CC2D2A: variants seen among roughly 807,000 people sequenced by gnomAD.
The protein encoded by CC2D2A is coiled-coil and C2 domain containing 2A.
Under a neutral mutation model 212.9 loss-of-function variants are expected in CC2D2A, and 155 were observed. That is an observed-to-expected ratio of 0.73 (90% CI 0.64 to 0.83). CC2D2A has a LOEUF of 0.83. CC2D2A is among the 40% of genes least tolerant of loss of function. The pLI is 0.00. For missense variants in CC2D2A, 1,856 were observed against 1,956.2 expected, an observed-to-expected ratio of 0.95 and a Z score of 0.97; for synonymous variants, 667 against 686.5, an observed-to-expected ratio of 0.97 and a Z score of 0.44.
chr4:15,596,115 C>CA lies in CC2D2A; in HGVS notation c.4345_4346insA (p.Pro1449HisfsTer7), dbSNP rs1371842040. 5 of 1,548,990 alleles carry CA rather than the reference C, an allele frequency of 3.2e-6. No homozygotes were observed. Among genetic ancestry groups the CA allele is most frequent in the Non-Finnish European group, 4.4e-6 (5 of 1,145,636 alleles). Reference sequence around the variant, plus strand: ...GTTTAATATTCAACGATATGAATCTCCACTAAGGATAAATTTTGATGTCAC... The same window carrying CA: ...GTTTAATATTCAACGATATGAATCTCACACTAAGGATAAATTTTGATGTCAC... On this transcript the variant is annotated frameshift_variant, in exon 34 of 37. Coordinates refer to ENST00000424120, the MANE Select transcript of CC2D2A (RefSeq NM_001378615.1). LOFTEE classifies it high-confidence loss of function.
chr4:15,534,423 C>T (rs765800796), intron 14 of CC2D2A, among the ~76,000 whole-genome samples: 1 of 152,186 alleles, frequency 6.6e-6, no homozygotes, highest in Non-Finnish European at 1.5e-5. Flanking sequence ...CTCCTATAAC[C>T]TTTATAATTT....
chr4:15,597,499 G>A lies in CC2D2A; in HGVS notation c.4496+34G>A, dbSNP rs1721371342. On this transcript the variant is annotated intron_variant, in intron 35 of 36. Transcript: ENST00000424120. The stretch of plus-strand genomic sequence containing the variant: ...ACATCCATAAATCCACATGTAATCT[G>A]TCACTAGGAGTATAATACCAAACTT... The A allele has an allele frequency of 2.0e-6, 3 of 1,495,492 alleles. No individual in the cohort carries two copies. The African/African-American group carries it at 4.2e-5, about 21-fold the overall frequency. The allele number at this position is 1,495,492 out of a possible 1,614,324, so 92.6% of individuals were successfully genotyped here. A position where few individuals can be genotyped will look rare whatever the true frequency, so the allele number is the denominator to read the frequency against.
At chr4:15,470,928 A>T (rs1713772364) in intron 1 of CC2D2A, among the ~76,000 whole-genome samples, 1 of 152,032 alleles carries the variant, frequency 6.6e-6, no homozygotes, top group African/African-American at 2.4e-5. Flanking sequence ...ATTTATAAAA[A>T]CACTGAGAGG....
At chr4:15,516,447 G>A (rs1292200234) in intron 10 of CC2D2A, among the ~76,000 whole-genome samples, 178 bp from the exon 11 acceptor site, 1 of 152,122 alleles carries the variant, frequency 6.6e-6, no homozygotes. Context: ...TCAATTGTGA[G>A]AAGTGTTAGT....
At chr4:15,510,520 C>G (rs1716511653) in intron 7 of CC2D2A, among the ~76,000 whole-genome samples, 1 of 152,170 alleles carries the variant, frequency 6.6e-6, no homozygotes, top group African/African-American at 2.4e-5. Flanking sequence ...CACTTGAGCC[C>G]ATGAGGTCGA....
At chr4:15,501,582 C>G (rs915254732) in intron 4 of CC2D2A, among the ~76,000 whole-genome samples, 1 of 152,194 alleles carries the variant, frequency 6.6e-6, no homozygotes, top group Admixed American at 6.5e-5. Context: ...ACACTCTGCT[C>G]CACCCATGCT....
chr4:15,576,936 T>C (rs1467610090), intron 29 of CC2D2A, among the ~76,000 whole-genome samples: 2 of 152,240 alleles, frequency 1.3e-5, no homozygotes, highest in African/African-American at 4.8e-5. Flanking sequence ...TCTTACAGTG[T>C]ATCTCTGAAA....
At chr4:15,528,541 G>A in intron 12 of CC2D2A, 79 bp from the exon 13 acceptor site, 1 of 1,166,102 alleles carries the variant, frequency 8.6e-7, no homozygotes, top group Non-Finnish European at 1.3e-6. Context: ...ATTTTGCCCA[G>A]GAGAAGTGGG....
At chr4:15,505,165 C>A (rs539167541) in intron 6 of CC2D2A, among the ~76,000 whole-genome samples, 1 of 152,288 alleles carries the variant, frequency 6.6e-6, no homozygotes, top group Admixed American at 6.5e-5. Flanking sequence ...GCTGTATACT[C>A]AGAGAGAAAA....
At chr4:15,593,400 C>T (rs1275245983) in intron 33 of CC2D2A, among the ~76,000 whole-genome samples, 1 of 152,162 alleles carries the variant, frequency 6.6e-6, no homozygotes. Flanking sequence ...AAATTTGAAA[C>T]ATTAGAGATC....
At chr4:15,486,662 C>T (rs1041206861) in intron 4 of CC2D2A, among the ~76,000 whole-genome samples, 2 of 151,886 alleles carry the variant, frequency 1.3e-5, no homozygotes, top group African/African-American at 2.4e-5. Context: ...TTTATTTCTG[C>T]TCTGATCTTT....
chr4:15,529,409 A>G (rs1218996169), intron 13 of CC2D2A, among the ~76,000 whole-genome samples: 1 of 151,982 alleles, frequency 6.6e-6, no homozygotes, highest in Non-Finnish European at 1.5e-5. Context: ...AAAGGAAGCC[A>G]CTAGAAATAA....
intron 32 of CC2D2A, 65 bp downstream of exon 32, chr4:15,587,994 A>G: frequency 1.2e-6 from 1 of 865,996 alleles, no homozygotes; most frequent in East Asian, 2.5e-5. Flanking sequence ...TGTGTTCCAG[A>G]TCACACACAG....
rs180756916 is a variant in CC2D2A at position 15,491,849 on chromosome 4, T to A, written c.248-10580T>A. 3.0e-3 allele frequency among the ~76,000 whole-genome samples: 455 copies of A among 152,366 alleles called. 1 individual carries two copies. The highest frequency in any genetic ancestry group is 0.01 in the African/African-American group (436 of 41,592). On this transcript the variant is annotated intron_variant, in intron 4 of 36. Transcript: ENST00000424120. Reference sequence around the variant, plus strand: ...GTCAGTGGCTTGTCTTTTCATTTTCTTAATGGTGTCTTTGAAGTACAAAAG... The same window carrying A: ...GTCAGTGGCTTGTCTTTTCATTTTCATAATGGTGTCTTTGAAGTACAAAAG...
intron 29 of CC2D2A, among the ~76,000 whole-genome samples, chr4:15,575,269 G>A (rs1401617991): frequency 6.6e-6 from 1 of 152,100 alleles, no homozygotes; most frequent in Non-Finnish European, 1.5e-5. Context: ...TTGGACAAGG[G>A]GTCTCCAACT....
intron 8 of CC2D2A, among the ~76,000 whole-genome samples, chr4:15,512,972 A>T (rs997147973): frequency 1.3e-5 from 2 of 152,064 alleles, no homozygotes; most frequent in African/African-American, 4.8e-5. Flanking sequence ...AAAAGGTTAA[A>T]ATGGTGGACT....
At chr4:15,520,532 A>G (rs1717142905) in intron 11 of CC2D2A, among the ~76,000 whole-genome samples, 1 of 152,210 alleles carries the variant, frequency 6.6e-6, no homozygotes, top group Admixed American at 6.5e-5. Context: ...AGTAATTAAT[A>G]TGGAGGGTAG....
chr4:15,512,470 G>A (rs1023700129), intron 8 of CC2D2A, among the ~76,000 whole-genome samples: 1 of 152,166 alleles, frequency 6.6e-6, no homozygotes, highest in Admixed American at 6.5e-5. Context: ...TAAATATTGT[G>A]TGATTTCACT....
chr4:15,486,945 TAG>T (rs1219695261), intron 4 of CC2D2A, among the ~76,000 whole-genome samples: 1 of 152,042 alleles, frequency 6.6e-6, no homozygotes, highest in Non-Finnish European at 1.5e-5. Flanking sequence ...TATGAATTTG[TAG>T]AGTTTTCAGA....
Sources: allele counts gnomAD v4.1 joint callset (sites outside exome capture counted in the v4.1 genomes callset), GRCh38; gene constraint gnomAD v4.1.1; transcripts MANE v1.5; gene names NCBI Gene and HGNC (gene_info 2026-07-23, HGNC 2026-07-21).